SLC39A14: variants seen among roughly 807,000 people sequenced by gnomAD.
The protein encoded by SLC39A14 is solute carrier family 39 member 14, also known as metal cation symporter ZIP14.
SLC39A14 carries 19 observed loss-of-function variants against 45.5 expected under a neutral mutation model. That is an observed-to-expected ratio of 0.42 (90% CI 0.29 to 0.61). The LOEUF (loss-of-function observed/expected upper bound fraction) is 0.61. Ranked by LOEUF, SLC39A14 falls within the 20% of genes least tolerant of loss-of-function variation. SLC39A14 has a pLI of 0.22. For synonymous variants in SLC39A14, 264 were observed against 251.3 expected, an observed-to-expected ratio of 1.05 and a Z score of -0.48; for missense variants, 447 against 616.5, an observed-to-expected ratio of 0.73 and a Z score of 2.91.
Position 22,412,170 on chromosome 8 carries a change from C to G in SLC39A14, c.591C>G (p.Thr197=). ...ACTTCATAGCTCTGGCGATTGGAAC[C>G]CTCTACTCCAACGCCCTCTTCCAGC... The part of the protein sequence containing the change: ...LLYFIALAIG[T]LYSNALFQLI... Residue 197 remains threonine (T), a synonymous_variant, in exon 4 of 9, where the codon ACC becomes ACG. Transcript: ENST00000381237. 6.4e-7 allele frequency: 1 copy of G among 1,551,734 alleles called. No homozygotes were observed. Among genetic ancestry groups the G allele is most frequent in the Non-Finnish European group, 8.7e-7 (1 of 1,147,002 alleles).
chr8:22,415,015 C>T (rs938309603), intron 5 of SLC39A14, 113 bp downstream of exon 5: 19 of 1,265,532 alleles, frequency 1.5e-5, no homozygotes, highest in African/African-American at 4.6e-5. Flanking sequence ...TCACAATTTC[C>T]GTGAAACTCT....
At chr8:22,424,476 GTTTAATTTGCA>G (rs1836348574), downstream of SLC39A14, among the ~76,000 whole-genome samples, 2 of 152,104 alleles carry the variant, frequency 1.3e-5, no homozygotes, top group Admixed American at 1.3e-4. Context: ...CGTGTTGGTC[GTTTAATTTGCA>G]TTACCTCACT....
intron 1 of SLC39A14, among the ~76,000 whole-genome samples, chr8:22,377,534 C>G (rs1833281951): frequency 6.6e-6 from 1 of 152,162 alleles, no homozygotes; most frequent in East Asian, 1.9e-4. Flanking sequence ...TATATGTATG[C>G]TAAAGAATAT....
intron 4 of SLC39A14, among the ~76,000 whole-genome samples, chr8:22,414,014 A>T (rs907532886): frequency 1.2e-4 from 18 of 152,004 alleles, no homozygotes; most frequent in Non-Finnish European, 2.2e-4. Context: ...TCCTGGCCTC[A>T]AGTGATCCAC....
rs149314987 is a variant in SLC39A14 at position 22,378,089 on chromosome 8, C to G, written c.-16+10681C>G. On this transcript the variant is annotated intron_variant, in intron 1 of 8. Coordinates refer to ENST00000381237, the MANE Select transcript of SLC39A14 (RefSeq NM_001128431.4). ...GATCAGAAACCACTACCACTCATTT[C>G]CATACCACCTGCTCTTGGTAGGCAT... Among the ~76,000 whole-genome samples the G allele has an allele frequency of 1.4e-4, 21 of 152,276 alleles. No individual in the cohort carries two copies. In the East Asian group the frequency reaches 3.9e-3, roughly 28 times the overall value.
At chr8:22,369,030 G>C (rs1161322705) in intron 1 of SLC39A14, among the ~76,000 whole-genome samples, 1 of 152,114 alleles carries the variant, frequency 6.6e-6, no homozygotes, top group Non-Finnish European at 1.5e-5. Context: ...TTAGCAGCTG[G>C]AATTAAAAGC....
intron 3 of SLC39A14, among the ~76,000 whole-genome samples, chr8:22,410,835 C>G (rs529487461): frequency 1.3e-5 from 2 of 152,302 alleles, no homozygotes; most frequent in Admixed American, 1.3e-4. Flanking sequence ...AGTCTGCCCA[C>G]TTTTTTAGCT....
At chr8:22,389,631 T>TA (rs1833963860) in intron 1 of SLC39A14, among the ~76,000 whole-genome samples, 1 of 151,830 alleles carries the variant, frequency 6.6e-6, no homozygotes, top group South Asian at 2.1e-4. Context: ...ACACAAAGGC[T>TA]AAAGGTCTGC....
chr8:22,404,679 G>C lies in SLC39A14; in HGVS notation c.-15-17G>C, dbSNP rs991800395. The C allele has an allele frequency of 5.0e-6, 8 of 1,600,716 alleles. No individual in the cohort carries two copies. Among genetic ancestry groups the C allele is most frequent in the African/African-American group, 1.4e-5 (1 of 73,972 alleles). The stretch of plus-strand genomic sequence containing the variant: ...ACAGGGAGAGGCCTCAGCTTCACCT[G>C]CCTTTTTCTCTCACAGGTTTATTCA... On this transcript the variant is annotated splice_polypyrimidine_tract_variant and intron_variant, in intron 1 of 8. Transcript: ENST00000381237.
At position 22,417,734 on chromosome 8, in the gene SLC39A14, C is replaced by G. The variant is rs1346974740; in HGVS notation, c.1231C>G (p.Leu411Val). ...FNFLSACCCY[L>V]GLAFGILAGS... Reference sequence around the variant, plus strand: ...CTTCCTTTCTGCCTGCTGCTGCTACCTGGGTCTGGCCTTTGGCATCCTGGC... The same window carrying G: ...CTTCCTTTCTGCCTGCTGCTGCTACGTGGGTCTGGCCTTTGGCATCCTGGC... Residue 411 changes from leucine to valine, a missense_variant, in exon 8 of 9, where the codon CTG becomes GTG. Leu to Val is a conservative substitution (Grantham distance 32). Transcript: ENST00000381237. 2 of 1,614,064 alleles carry G rather than the reference C, an allele frequency of 1.2e-6. No individual in the cohort carries two copies. Among genetic ancestry groups the G allele is most frequent in the Non-Finnish European group, 1.7e-6 (2 of 1,180,036 alleles).
intron 1 of SLC39A14, among the ~76,000 whole-genome samples, chr8:22,389,407 G>A (rs1047233481): frequency 6.6e-6 from 1 of 152,040 alleles, no homozygotes; most frequent in Non-Finnish European, 1.5e-5. Context: ...GCGTGAGCGG[G>A]CTTGAGGGCT....
chr8:22,373,040 G>A lies in SLC39A14; in HGVS notation c.-16+5632G>A, dbSNP rs1185195731. Among the ~76,000 whole-genome samples, 4 of 152,100 alleles carry A rather than the reference G, an allele frequency of 2.6e-5. No homozygotes were observed. The East Asian group carries it at 7.7e-4, about 29-fold the overall frequency. ...GCATGTTGGGAGGCCGAGCTGGGCA[G>A]ATCACAAGGTCAAGAGATCCCGACC... On this transcript the variant is annotated intron_variant, in intron 1 of 8. Coordinates refer to ENST00000381237, the MANE Select transcript of SLC39A14 (RefSeq NM_001128431.4).
At chr8:22,393,292 A>T (rs1834183827) in intron 1 of SLC39A14, 2 of 954,950 alleles carry the variant, frequency 2.1e-6, no homozygotes, top group South Asian at 4.8e-5. Context: ...TGGGCCGATT[A>T]AGCCCCGGGG....
At chr8:22,381,904 A>G (rs1315221550) in intron 1 of SLC39A14, among the ~76,000 whole-genome samples, 1 of 152,138 alleles carries the variant, frequency 6.6e-6, no homozygotes, top group Non-Finnish European at 1.5e-5. Context: ...ACTTTGGGAG[A>G]CCGAGGCAGG....
intron 1 of SLC39A14, among the ~76,000 whole-genome samples, chr8:22,386,352 C>T (rs1314608435): frequency 2.6e-5 from 4 of 150,968 alleles, no homozygotes; most frequent in African/African-American, 9.8e-5. Flanking sequence ...CTGCAACCTC[C>T]GCCTCCCGGG....
At chr8:22,416,665 T>G (rs979792744) in intron 7 of SLC39A14, among the ~76,000 whole-genome samples, 2 of 151,710 alleles carry the variant, frequency 1.3e-5, no homozygotes, top group Non-Finnish European at 2.9e-5. Context: ...TTGAACTCCT[T>G]ACCTCGTGAT....
At position 22,404,773 on chromosome 8, in the gene SLC39A14, A is replaced by G; in HGVS notation, c.63A>G (p.Leu21=). ...GCCTCCTGCTGACCCTGCTTGGCTT[A>G]TGGAGAACCACCCCTGAGGCTCACG... ...QSCLLLTLLG[L]WRTTPEAHAS... The change falls in exon 2 of 9, where the codon TTA becomes TTG. Residue 21 remains leucine, a synonymous_variant. Coordinates refer to ENST00000381237, the MANE Select transcript of SLC39A14 (RefSeq NM_001128431.4). 6.2e-7 allele frequency: 1 copy of G among 1,613,402 alleles called. No homozygotes were observed. Among genetic ancestry groups the G allele is most frequent in the Non-Finnish European group, 8.5e-7 (1 of 1,179,494 alleles).
At chr8:22,428,725 G>A (rs1836425320) in intron 8 of SLC39A14, among the ~76,000 whole-genome samples, 1 of 152,024 alleles carries the variant, frequency 6.6e-6, no homozygotes, top group Admixed American at 6.6e-5. Flanking sequence ...ACAGGCATGA[G>A]CCACTGCGCC....
chr8:22,407,381 G>T (rs540980071), intron 2 of SLC39A14, among the ~76,000 whole-genome samples: 4 of 152,294 alleles, frequency 2.6e-5, no homozygotes. Flanking sequence ...TTTTGTGGGG[G>T]ATGGAGTCTC....
Sources: gnomAD v4.1 joint callset for allele counts (sites outside exome capture counted in the v4.1 genomes callset) on GRCh38, gnomAD v4.1.1 for gene constraint, MANE v1.5 for transcripts, NCBI Gene and HGNC (gene_info 2026-07-23, HGNC 2026-07-21) for gene names.